The following ZSCAN30 variants were observed in gnomAD, a reference collection of about 807,000 sequenced individuals.
ZSCAN30 encodes zinc finger and SCAN domain containing 30.
A neutral mutation model predicts 44.3 loss-of-function variants in ZSCAN30; 37 were observed. That is an observed-to-expected ratio of 0.84 (90% CI 0.64 to 1.10). The LOEUF (loss-of-function observed/expected upper bound fraction) is 1.10. Ranked by LOEUF, ZSCAN30 falls within the 50% of genes least tolerant of loss-of-function variation. ZSCAN30 has a pLI of 0.00. For synonymous variants in ZSCAN30, 181 were observed against 204.6 expected, an observed-to-expected ratio of 0.88 and a Z score of 0.98; for missense variants, 549 against 582.6, an observed-to-expected ratio of 0.94 and a Z score of 0.59.
At chr18:35,277,591 T>A (rs1266769469) in intron 1 of ZSCAN30, among the ~76,000 whole-genome samples, 1 of 152,152 alleles carries the variant, frequency 6.6e-6, no homozygotes, top group Non-Finnish European at 1.5e-5. Flanking sequence ...GAAGGATATG[T>A]TTGCTTCCCC....
chr18:35,271,141 C>T (rs925729390), intron 1 of ZSCAN30, among the ~76,000 whole-genome samples: 2 of 152,062 alleles, frequency 1.3e-5, no homozygotes, highest in African/African-American at 4.8e-5. Context: ...AGCAAAAAAA[C>T]CCTCCGCACT....
chr18:35,265,965 T>C (rs1211939640), intron 1 of ZSCAN30, among the ~76,000 whole-genome samples: 6 of 151,788 alleles, frequency 4.0e-5, no homozygotes, highest in African/African-American at 9.7e-5. Flanking sequence ...CTGAGTGAGA[T>C]GGAGAGGAAG....
intron 3 of ZSCAN30, chr18:35,260,659 C>G (rs1034709669): frequency 5.3e-5 from 8 of 152,102 alleles, no homozygotes; most frequent in Non-Finnish European, 1.5e-5. Flanking sequence ...TAAATGTCTT[C>G]TTTTGAGGTC....
intron 1 of ZSCAN30, among the ~76,000 whole-genome samples, chr18:35,288,857 T>G (rs767115340): frequency 6.6e-6 from 1 of 152,228 alleles, no homozygotes; most frequent in Non-Finnish European, 1.5e-5. Context: ...ATTATTTTGA[T>G]TGCAGTGATA....
intron 1 of ZSCAN30, chr18:35,284,052 T>A (rs925229800): frequency 6.5e-6 from 1 of 152,874 alleles, no homozygotes; most frequent in African/African-American, 2.4e-5. Context: ...CCATCATCGC[T>A]GCAGCTGTCA....
intron 1 of ZSCAN30, chr18:35,269,049 G>C (rs2044220004): frequency 6.6e-6 from 1 of 152,196 alleles, no homozygotes; most frequent in African/African-American, 2.4e-5. Context: ...AGTTGAAGAT[G>C]TTTATGTCAG....
rs72959629 is a variant in ZSCAN30, at chr18:35,254,268, G to T, written c.667C>A (p.Arg223=). The T allele has an allele frequency of 4.7e-5, 76 of 1,613,966 alleles. No individual in the cohort carries two copies. Among genetic ancestry groups the T allele is most frequent in the Non-Finnish European group, 1.8e-5 (21 of 1,179,982 alleles). ...CCTCCCAAAGCTTCTTCAGCTATCCGTTGGGAATGTGTTTCTCCAGGAAGT... is the reference window on the plus strand; with the variant it reads ...CCTCCCAAAGCTTCTTCAGCTATCCTTTGGGAATGTGTTTCTCCAGGAAGT... The part of the protein sequence containing the change: ...GKLPGETHSQ[R]IAEEALGGLD... Residue 223 remains arginine, a synonymous_variant, in exon 4 of 4, where the codon CGG becomes AGG. Transcript: ENST00000333206.
chr18:35,269,421 CAG>C (rs2044226128), intron 1 of ZSCAN30: 1 of 145,910 alleles, frequency 6.9e-6, no homozygotes, highest in Non-Finnish European at 1.5e-5. Context: ...TCCCACTGGT[CAG>C]AGTTTTGCAA....
At chr18:35,264,588 A>C in intron 1 of ZSCAN30, 133 bp from the exon 2 acceptor site, 1 of 481,210 alleles carries the variant, frequency 2.1e-6, no homozygotes, top group Non-Finnish European at 3.7e-6. Flanking sequence ...TTCCACATAA[A>C]TGATACATTT....
rs749558812 is a variant in ZSCAN30, at chr18:35,253,497, G to A, written c.1438C>T (p.His480Tyr). ...TGATGCTGCATAAGGCCTGACCTAT[G>A]CCTAAATGTTTTTCTACATTCACTA... is the stretch of plus-strand genomic sequence containing the variant. Reference protein sequence around the residue: ...ECSECRKTFRHRSGLMQHQRT... With the variant: ...ECSECRKTFRYRSGLMQHQRT... Residue 480 changes from histidine (H) to tyrosine (Y), a missense_variant, in exon 4 of 4, where the codon CAT (histidine) becomes TAT (tyrosine). Transcript: ENST00000333206. 1 of 1,609,028 alleles carries A rather than the reference G, an allele frequency of 6.2e-7. No individual in the cohort carries two copies. The highest frequency in any genetic ancestry group is 1.1e-5 in the South Asian group (1 of 90,470).
intron 2 of ZSCAN30, 92 bp from the exon 3 acceptor site, chr18:35,263,749 CTCAT>C: frequency 6.7e-7 from 1 of 1,500,290 alleles, no homozygotes; most frequent in Non-Finnish European, 9.1e-7. Context: ...GAATCAAAAA[CTCAT>C]TCAAATGATT....
chr18:35,264,645 A>G (rs2044108307), intron 1 of ZSCAN30, among the ~76,000 whole-genome samples, 190 bp from the exon 2 acceptor site: 1 of 152,200 alleles, frequency 6.6e-6, no homozygotes, highest in Non-Finnish European at 1.5e-5. Context: ...AAATGTTAGT[A>G]TGGCTGAAAT....
At chr18:35,267,766 T>G (rs1235147406) in intron 1 of ZSCAN30, 1 of 151,674 alleles carries the variant, frequency 6.6e-6, no homozygotes. Flanking sequence ...TACGTATATA[T>G]TCAAACATAT....
chr18:35,256,727 C>T (rs1412195672), intron 3 of ZSCAN30, among the ~76,000 whole-genome samples: 2 of 152,022 alleles, frequency 1.3e-5, no homozygotes, highest in Non-Finnish European at 2.9e-5. Context: ...AGAAATAAGG[C>T]ACAGGTATCT....
intron 1 of ZSCAN30, chr18:35,267,627 C>A (rs1555947222): frequency 1.3e-5 from 2 of 152,086 alleles, no homozygotes; most frequent in African/African-American, 4.8e-5. Context: ...AGGAGGGGCG[C>A]GGGTCCGGCT....
At chr18:35,275,051 A>G (rs1246094315) in intron 1 of ZSCAN30, among the ~76,000 whole-genome samples, 1 of 152,212 alleles carries the variant, frequency 6.6e-6, no homozygotes, top group Non-Finnish European at 1.5e-5. Context: ...AAATTTTACA[A>G]AAAGTTTGCT....
intron 1 of ZSCAN30, among the ~76,000 whole-genome samples, chr18:35,273,491 T>C (rs1452692715): frequency 6.6e-6 from 1 of 152,276 alleles, no homozygotes; most frequent in African/African-American, 2.4e-5. Context: ...TTTTGAATAA[T>C]GCTACTATCA....
At chr18:35,280,962 A>T (rs2044445324) in intron 1 of ZSCAN30, 1 of 152,236 alleles carries the variant, frequency 6.6e-6, no homozygotes, top group African/African-American at 2.4e-5. Flanking sequence ...TTCCAATACA[A>T]TACATGATAA....
At chr18:35,263,683 AT>A in intron 2 of ZSCAN30, 26 bp from the exon 3 acceptor site, 2 of 1,613,050 alleles carry the variant, frequency 1.2e-6, no homozygotes, top group Non-Finnish European at 1.7e-6. Flanking sequence ...TACCAGCACT[AT>A]CATTCTGAGG....
Sources: allele counts gnomAD v4.1 joint callset (sites outside exome capture counted in the v4.1 genomes callset), GRCh38; gene constraint gnomAD v4.1.1; transcripts MANE v1.5; gene names NCBI Gene and HGNC (gene_info 2026-07-23, HGNC 2026-07-21).